The following USP9Y variants were observed in gnomAD, a reference collection of about 807,000 sequenced individuals.
USP9Y encodes ubiquitin specific peptidase 9 Y-linked.
USP9Y carries 41 observed loss-of-function variants against 53.1 expected under a neutral mutation model. The ratio of observed to expected loss-of-function variants is 0.77; its 90% CI spans 0.60 to 1.00. The LOEUF (loss-of-function observed/expected upper bound fraction) is 1.00. Ranked by LOEUF, USP9Y falls within the 50% of genes least tolerant of loss-of-function variation. The pLI is 0.00. For missense variants in USP9Y, 567 were observed against 535.8 expected, an observed-to-expected ratio of 1.06 and a Z score of -0.58; for synonymous variants, 220 against 173.7, an observed-to-expected ratio of 1.27 and a Z score of -2.09.
At chrY:12,713,544 C>T (rs774812592) in intron 3 of USP9Y, among the ~76,000 whole-genome samples, 37 of 32,314 alleles carry the variant, frequency 1.1e-3, no homozygotes, top group African/African-American at 4.1e-3. Flanking sequence ...GTTTCTATTT[C>T]TCCACTTTTT....
intron 22 of USP9Y, among the ~76,000 whole-genome samples, chrY:12,781,239 T>G: frequency 3.0e-5 from 1 of 33,887 alleles, no homozygotes; most frequent in Non-Finnish European, 7.3e-5. Flanking sequence ...ACATAAAAGT[T>G]TTTTACACTA....
chrY:12,810,198 C>T lies in USP9Y; in HGVS notation c.4003C>T (p.Gln1335Ter). The change falls in exon 28 of 46, where the codon CAG becomes TAG. Residue 1335 changes from glutamine to a stop codon, truncating the protein, a stop_gained. Transcript: ENST00000338981. LOFTEE classifies it high-confidence loss of function. The part of the protein sequence containing the change: ...CPSKTVRQLA[Q>*]EQFFLMCTRC... ...TTTCAGAACTGTTCGTCAGTTGGCA[C>T]AGGAGCAGTTCTTTTTAATGTGCAC... 2 of 398,443 alleles carry T rather than the reference C, an allele frequency of 5.0e-6. No individual in the cohort carries two copies. The highest frequency in any genetic ancestry group is 7.1e-6 in the Non-Finnish European group (2 of 283,228).
chrY:12,790,701 GATA>G, intron 25 of USP9Y, among the ~76,000 whole-genome samples, 169 bp downstream of exon 25: 1 of 33,219 alleles, frequency 3.0e-5, no homozygotes, highest in African/African-American at 1.2e-4. Context: ...GATAGCTGCT[GATA>G]ATATTAATAT....
chrY:12,738,535 T>G, intron 11 of USP9Y, among the ~76,000 whole-genome samples: 1 of 32,817 alleles, frequency 3.0e-5, no homozygotes, highest in East Asian at 7.8e-4. Context: ...TTTTTGGTTT[T>G]TTTTGTTTTG....
intron 1 of USP9Y, among the ~76,000 whole-genome samples, chrY:12,706,315 G>T (rs2053419249): frequency 6.0e-5 from 2 of 33,452 alleles, no homozygotes; most frequent in Admixed American, 5.5e-4. Context: ...TGTATACAAG[G>T]CAATCGATGA....
intron 7 of USP9Y, among the ~76,000 whole-genome samples, chrY:12,727,017 T>C (rs748765942): frequency 6.0e-5 from 2 of 33,060 alleles, no homozygotes; most frequent in Non-Finnish European, 1.5e-4. Flanking sequence ...TATGTATTGA[T>C]TGGTTGAATA....
At chrY:12,711,977 G>A in intron 3 of USP9Y, among the ~76,000 whole-genome samples, 4 of 33,389 alleles carry the variant, frequency 1.2e-4, no homozygotes, top group African/African-American at 4.7e-4. Flanking sequence ...TGTTAGTAAC[G>A]AAATATTTTA....
chrY:12,811,404 T>C (rs749332614), intron 29 of USP9Y, among the ~76,000 whole-genome samples: 3 of 33,639 alleles, frequency 8.9e-5, no homozygotes, highest in Admixed American at 8.1e-4. Context: ...CACTCAGTGC[T>C]GTAGTAACCT....
intron 3 of USP9Y, among the ~76,000 whole-genome samples, chrY:12,720,351 C>T: frequency 2.5e-4 from 8 of 31,931 alleles, no homozygotes; most frequent in Admixed American, 5.7e-4. Context: ...TACAGTGAGC[C>T]GAGATTGCAC....
intron 19 of USP9Y, 145 bp from the exon 20 acceptor site, chrY:12,777,874 A>C: frequency 7.1e-6 from 1 of 140,396 alleles, no homozygotes; most frequent in Non-Finnish European, 1.3e-5. Context: ...AAAGATCCTA[A>C]ATACAAAATA....
intron 12 of USP9Y, among the ~76,000 whole-genome samples, chrY:12,752,188 A>G: frequency 3.0e-5 from 1 of 33,207 alleles, no homozygotes; most frequent in Non-Finnish European, 7.4e-5. Context: ...TAAATTCTGT[A>G]TATCGGTTTG....
At chrY:12,766,984 C>T (rs957615683) in intron 15 of USP9Y, among the ~76,000 whole-genome samples, 4 of 33,489 alleles carry the variant, frequency 1.2e-4, no homozygotes, top group South Asian at 6.6e-4. Flanking sequence ...AGAAAATGTA[C>T]GCAGACACAG....
intron 33 of USP9Y, among the ~76,000 whole-genome samples, chrY:12,828,993 G>A (rs931565228): frequency 6.4e-4 from 21 of 32,771 alleles, no homozygotes; most frequent in Admixed American, 1.7e-3. Context: ...AACTCACAAC[G>A]ATTTTTTTTT....
intron 33 of USP9Y, among the ~76,000 whole-genome samples, chrY:12,831,556 T>G (rs2053550730): frequency 3.1e-5 from 1 of 32,487 alleles, no homozygotes; most frequent in African/African-American, 1.2e-4. Flanking sequence ...TGAGGTCGAG[T>G]TCGAGACCAG....
At chrY:12,839,096 C>G (rs2053557920) in intron 35 of USP9Y, among the ~76,000 whole-genome samples, 1 of 33,857 alleles carries the variant, frequency 3.0e-5, no homozygotes, top group East Asian at 7.7e-4. Flanking sequence ...TTTTATAAGA[C>G]AGTGAGGATT....
intron 27 of USP9Y, chrY:12,802,187 G>T: frequency 2.9e-5 from 1 of 34,176 alleles, no homozygotes; most frequent in Non-Finnish European, 7.3e-5. Flanking sequence ...AGTGAAAGGT[G>T]TCGTCCAAAA....
Position 12,859,476 on chromosome Y carries a change from T to C in USP9Y, c.*60T>C. The C allele has an allele frequency of 2.7e-6, 1 of 372,259 alleles. No individual in the cohort carries two copies. Among genetic ancestry groups the C allele is most frequent in the Non-Finnish European group, 3.8e-6 (1 of 260,410 alleles). 92.9% of individuals were successfully genotyped at this position (372,259 alleles called of 400,897 possible). A position where few individuals can be genotyped will look rare whatever the true frequency, so the allele number is the denominator to read the frequency against. ...CACTAAGGTCTTATAGTCCAAACTT[T>C]CTCTGTGTCTGGCTAGTATTGAAAA... On this transcript the variant is annotated 3_prime_UTR_variant, in exon 46 of 46. Coordinates refer to ENST00000338981, the MANE Select transcript of USP9Y (RefSeq NM_004654.4).
At position 12,858,668 on chromosome Y, in the gene USP9Y, G is replaced by C. The variant is rs375420427; in HGVS notation, c.7531-611G>C. Among the ~76,000 whole-genome samples, 448 of 32,589 alleles carry C rather than the reference G, an allele frequency of 0.014. No homozygotes were observed. In the Middle Eastern group the frequency reaches 0.28, roughly 20 times the overall value. 87.4% of individuals were successfully genotyped at this position (32,589 alleles called of 37,273 possible). ...TAAATTTCCAAGTGTTGCTGCTCTG[G>C]GGAAAACACATGGAAAACCTTTCTG... On this transcript the variant is annotated intron_variant, in intron 45 of 45. Transcript: ENST00000338981.
At chrY:12,730,473 AT>A (rs782043404) in intron 7 of USP9Y, among the ~76,000 whole-genome samples, 11 of 20,307 alleles carry the variant, frequency 5.4e-4, no homozygotes, top group African/African-American at 1.9e-3. Context: ...GTTTGTGTGG[AT>A]TTTTTTTTTT....
Sources: gnomAD v4.1 joint callset for allele counts (sites outside exome capture counted in the v4.1 genomes callset) on GRCh38, gnomAD v4.1.1 for gene constraint, MANE v1.5 for transcripts, NCBI Gene and HGNC (gene_info 2026-07-23, HGNC 2026-07-21) for gene names.